Variants in FHOD3 observed in about 807,000 individuals in gnomAD.
FHOD3 encodes the protein formin homology 2 domain containing 3, also known as FH1/FH2 domain-containing protein 3.
FHOD3 carries 90 observed loss-of-function variants against 173.0 expected under a neutral mutation model. The ratio of observed to expected loss-of-function variants is 0.52; its 90% confidence interval spans 0.44 to 0.62. The LOEUF is 0.62. Among genes scored for constraint, FHOD3 ranks in the 20% least tolerant of loss-of-function variants. The probability of loss-of-function intolerance (pLI) is 0.00; values close to 1 mark genes in which losing one functional copy is unlikely to be tolerated. For synonymous variants in FHOD3, 828 were observed against 823.0 expected, an observed-to-expected ratio of 1.01 and a Z score of -0.10; for missense variants, 1,945 against 2,034.7, an observed-to-expected ratio of 0.96 and a Z score of 0.85.
chr18:36,739,064 A>G (rs1371439169), intron 20 of FHOD3, among the ~76,000 whole-genome samples: 2 of 152,208 alleles, frequency 1.3e-5, no homozygotes, highest in African/African-American at 4.8e-5. Flanking sequence ...TGGTGACAAA[A>G]GCAATCCTTA....
chr18:36,308,437 G>T (rs2092160643), intron 1 of FHOD3, among the ~76,000 whole-genome samples: 1 of 152,214 alleles, frequency 6.6e-6, no homozygotes, highest in East Asian at 1.9e-4. Flanking sequence ...TTGTGCAGCT[G>T]GTATCACCTC....
At chr18:36,514,026 T>TTTTTTTTTTTTG (rs1568369793) in intron 5 of FHOD3, among the ~76,000 whole-genome samples, 1 of 144,092 alleles carries the variant, frequency 6.9e-6, no homozygotes, top group African/African-American at 2.5e-5. Context: ...TTTTTTTTTT[T>TTTTTTTTTTTTG]GAGATGGAGT....
intron 3 of FHOD3, among the ~76,000 whole-genome samples, chr18:36,373,004 G>A (rs950890431): frequency 1.3e-5 from 2 of 152,060 alleles, no homozygotes; most frequent in Non-Finnish European, 2.9e-5. Flanking sequence ...GGTAGATGAG[G>A]TTCTTCTGGG....
intron 3 of FHOD3, among the ~76,000 whole-genome samples, chr18:36,464,757 G>A (rs1183610437): frequency 1.3e-5 from 2 of 151,920 alleles, no homozygotes; most frequent in Admixed American, 1.3e-4. Flanking sequence ...GAGGTCCTGG[G>A]AGGAGGAGGA....
chr18:36,380,500 C>G (rs1019876094), intron 3 of FHOD3, among the ~76,000 whole-genome samples: 1 of 148,196 alleles, frequency 6.7e-6, no homozygotes, highest in Non-Finnish European at 1.5e-5. Context: ...CCCTCTCTTC[C>G]CTCCCTGCCT....
At chr18:36,479,068 C>T (rs745755346) in intron 3 of FHOD3, among the ~76,000 whole-genome samples, 1 of 152,222 alleles carries the variant, frequency 6.6e-6, no homozygotes, top group Non-Finnish European at 1.5e-5. Flanking sequence ...CATCTCTTCG[C>T]TTCCTGCGTG....
intron 20 of FHOD3, among the ~76,000 whole-genome samples, chr18:36,739,365 C>T: frequency 6.6e-6 from 1 of 152,210 alleles, no homozygotes; most frequent in East Asian, 1.9e-4. Flanking sequence ...CCAGAAGGAG[C>T]AGTACTGTTC....
chr18:36,379,051 T>C (rs1363708424), intron 3 of FHOD3, among the ~76,000 whole-genome samples: 1 of 152,178 alleles, frequency 6.6e-6, no homozygotes. Context: ...GTTATATTCA[T>C]ATGATATATA....
chr18:36,586,388 G>A (rs1297067361), intron 6 of FHOD3, among the ~76,000 whole-genome samples: 1 of 152,180 alleles, frequency 6.6e-6, no homozygotes, highest in African/African-American at 2.4e-5. Flanking sequence ...CCTCAACCAC[G>A]AATTTCATTC....
intron 28 of FHOD3, among the ~76,000 whole-genome samples, chr18:36,774,579 T>A (rs1472998432): frequency 6.6e-6 from 1 of 152,144 alleles, no homozygotes; most frequent in South Asian, 2.1e-4. Flanking sequence ...CTGGGGTGAG[T>A]CCAAGAAATT....
intron 11 of FHOD3, among the ~76,000 whole-genome samples, chr18:36,652,196 G>A (rs995996304): frequency 3.3e-5 from 5 of 152,340 alleles, no homozygotes; most frequent in East Asian, 1.9e-4. Context: ...AGTTCCAGTC[G>A]TGGAAATTCA....
chr18:36,595,917 A>G (rs2030277363), intron 7 of FHOD3, among the ~76,000 whole-genome samples: 1 of 152,190 alleles, frequency 6.6e-6, no homozygotes, highest in Non-Finnish European at 1.5e-5. Flanking sequence ...TTATAACTGT[A>G]ATACTACTGT....
chr18:36,686,451 T>A (rs1384633131), intron 15 of FHOD3, among the ~76,000 whole-genome samples: 1 of 147,614 alleles, frequency 6.8e-6, no homozygotes. Flanking sequence ...GTGTTCTCAC[T>A]GTTCTGTGTG....
intron 19 of FHOD3, among the ~76,000 whole-genome samples, chr18:36,723,320 C>T (rs1387101228): frequency 6.6e-6 from 1 of 152,214 alleles, no homozygotes; most frequent in African/African-American, 2.4e-5. Flanking sequence ...AAGGATTCCT[C>T]AGCCTTTGCT....
At chr18:36,298,427 T>C (rs1158559035) in intron 1 of FHOD3, among the ~76,000 whole-genome samples, 5 of 152,086 alleles carry the variant, frequency 3.3e-5, no homozygotes, top group Non-Finnish European at 7.4e-5. Flanking sequence ...AGAGGAGAGC[T>C]CTGAGCGACG....
chr18:36,317,682 T>G (rs1198404391), intron 1 of FHOD3, among the ~76,000 whole-genome samples: 1 of 152,262 alleles, frequency 6.6e-6, no homozygotes, highest in Non-Finnish European at 1.5e-5. Flanking sequence ...AGGTTGCCTG[T>G]GCACTTTGCT....
intron 1 of FHOD3, among the ~76,000 whole-genome samples, chr18:36,318,858 T>C (rs1354936772): frequency 6.6e-6 from 1 of 152,194 alleles, no homozygotes; most frequent in African/African-American, 2.4e-5. Context: ...TGGCTGTGGG[T>C]TTGTCATAAA....
At chr18:36,390,071 C>T (rs1261808456) in intron 3 of FHOD3, among the ~76,000 whole-genome samples, 1 of 152,176 alleles carries the variant, frequency 6.6e-6, no homozygotes, top group Non-Finnish European at 1.5e-5. Context: ...TCAGTGTTAT[C>T]TGTGGACCCA....
chr18:36,645,976 A>G (rs1333278866), intron 10 of FHOD3, among the ~76,000 whole-genome samples: 1 of 152,188 alleles, frequency 6.6e-6, no homozygotes, highest in East Asian at 1.9e-4. Context: ...AAAATCTATG[A>G]CAAACCTTAT....
Sources: gnomAD v4.1 joint callset for allele counts (sites outside exome capture counted in the v4.1 genomes callset) on GRCh38, gnomAD v4.1.1 for gene constraint, MANE v1.5 for transcripts, NCBI Gene and HGNC (gene_info 2026-07-23, HGNC 2026-07-21) for gene names.